The following UBTD2 variants were observed in gnomAD, a reference collection of about 807,000 sequenced individuals.
The protein encoded by UBTD2 is ubiquitin domain containing 2, also known as ubiquitin domain-containing protein 2.
UBTD2 carries 9 observed loss-of-function variants against 19.8 expected under a neutral mutation model. The observed-to-expected ratio is 0.46, with a 90% CI of 0.27 to 0.79. The LOEUF is 0.79. Among genes scored for constraint, UBTD2 ranks in the 30% least tolerant of loss-of-function variants. The probability of loss-of-function intolerance (pLI) is 0.14; values close to 1 mark genes in which losing one functional copy is unlikely to be tolerated. For synonymous variants in UBTD2, 98 were observed against 103.9 expected (o/e 0.94, Z 0.35); for missense variants, 250 against 300.4 (o/e 0.83, Z 1.24).
Position 172,279,369 on chromosome 5 carries a change from G to C in UBTD2, c.70+4227C>G, listed in dbSNP as rs181463688. On this transcript the variant is annotated intron_variant, in intron 1 of 2. Coordinates refer to ENST00000393792, the MANE Select transcript of UBTD2 (RefSeq NM_152277.3). Reference sequence around the variant, plus strand: ...AGGACCTGTTACATAATAAATACTGGATAAATGGTAGATGCTATTCAAAAA... The same window carrying C: ...AGGACCTGTTACATAATAAATACTGCATAAATGGTAGATGCTATTCAAAAA... 3.3e-5 allele frequency among the ~76,000 whole-genome samples: 5 copies of C among 152,312 alleles called. No homozygotes were observed. In the East Asian group the frequency reaches 9.6e-4, roughly 29 times the overall value.
chr5:172,242,557 T>A (rs976008909), intron 1 of UBTD2: 1 of 368,324 alleles, frequency 2.7e-6, no homozygotes, highest in Admixed American at 6.4e-5. Flanking sequence ...GTTTAGAAGC[T>A]TTATTAGAGT....
chr5:172,246,495 A>G (rs1324403902), intron 1 of UBTD2, among the ~76,000 whole-genome samples: 1 of 139,588 alleles, frequency 7.2e-6, no homozygotes, highest in African/African-American at 2.7e-5. Flanking sequence ...CCCAGGCTGC[A>G]ATGCAGTGGT....
intron 1 of UBTD2, among the ~76,000 whole-genome samples, chr5:172,237,286 G>A (rs748539933): frequency 3.9e-5 from 6 of 152,028 alleles, no homozygotes; most frequent in Non-Finnish European, 5.9e-5. Flanking sequence ...TAGAGACGGG[G>A]TTTCACCATA....
At position 172,211,403 on chromosome 5, in the gene UBTD2, T is replaced by C. The variant is rs1771442617; in HGVS notation, c.*427A>G. The C allele has an allele frequency of 6.5e-6, 1 of 153,846 alleles. No homozygotes were observed. Among genetic ancestry groups the C allele is most frequent in the South Asian group, 2.1e-4 (1 of 4,850 alleles). The allele number at this position is 153,846 out of a possible 1,614,324, so 9.5% of individuals were successfully genotyped here. A position where few individuals can be genotyped will look rare whatever the true frequency, so the allele number is the denominator to read the frequency against. On this transcript the variant is annotated 3_prime_UTR_variant, in exon 3 of 3. Transcript: ENST00000393792. ...CAAAACAAAACAAAAAGGTTAAGTTTTATATCCATTATTTATGGTTTCTGG... is the reference window on the plus strand; with the variant it reads ...CAAAACAAAACAAAAAGGTTAAGTTCTATATCCATTATTTATGGTTTCTGG...
chr5:172,254,611 T>C (rs953969683), intron 1 of UBTD2: 35 of 649,468 alleles, frequency 5.4e-5, no homozygotes, highest in Non-Finnish European at 3.3e-5. Context: ...TACACTTTGT[T>C]GCATCCATCG....
intron 1 of UBTD2, among the ~76,000 whole-genome samples, chr5:172,274,421 G>A (rs1285562285): frequency 6.6e-6 from 1 of 152,080 alleles, no homozygotes; most frequent in Non-Finnish European, 1.5e-5. Context: ...TTACAGGTGT[G>A]AGCCACTGCA....
chr5:172,212,114 T>C lies in UBTD2; in HGVS notation c.421A>G (p.Ile141Val). Residue 141 changes from isoleucine to valine, a missense_variant, in exon 3 of 3, where the codon ATT (isoleucine) becomes GTT (valine). Transcript: ENST00000393792. ...CCAGAATTGGGTGGTGGCTCAGGAA[T>C]ATCCAGAGTCTCTATGTCGCTCTTT... The part of the protein sequence containing the change: ...EEKSDIETLD[I>V]PEPPPNSGYE... 6.2e-7 allele frequency: 1 copy of C among 1,614,248 alleles called. No individual in the cohort carries two copies. Among genetic ancestry groups the C allele is most frequent in the Non-Finnish European group, 8.5e-7 (1 of 1,180,050 alleles).
At chr5:172,236,813 A>G (rs1018666799) in intron 1 of UBTD2, among the ~76,000 whole-genome samples, 2 of 152,234 alleles carry the variant, frequency 1.3e-5, no homozygotes, top group Non-Finnish European at 2.9e-5. Context: ...AGCATGGACA[A>G]AAACAACAAA....
intron 2 of UBTD2, among the ~76,000 whole-genome samples, chr5:172,229,479 C>T (rs369427957): frequency 6.7e-4 from 73 of 109,240 alleles, no homozygotes; most frequent in Non-Finnish European, 9.7e-4. Flanking sequence ...CCAGCCTGGG[C>T]GACAGAGCAA....
At chr5:172,232,245 C>G (rs138152908) in intron 2 of UBTD2, among the ~76,000 whole-genome samples, 3,529 of 151,650 alleles carry the variant, frequency 0.023, 117 homozygotes, top group African/African-American at 0.081. Flanking sequence ...TGCACTCCAG[C>G]CTGGGCAACA....
At chr5:172,223,161 A>G (rs985747966) in intron 2 of UBTD2, among the ~76,000 whole-genome samples, 2 of 152,248 alleles carry the variant, frequency 1.3e-5, no homozygotes, top group East Asian at 1.9e-4. Context: ...ATTTAGGGTT[A>G]CAAGATTCTT....
chr5:172,243,626 G>A (rs564138790), intron 1 of UBTD2, among the ~76,000 whole-genome samples: 27 of 143,210 alleles, frequency 1.9e-4, no homozygotes, highest in African/African-American at 6.8e-4. Flanking sequence ...ACAATGGCGC[G>A]ACCTCAGCTC....
At chr5:172,250,832 C>T (rs1325596818) in intron 1 of UBTD2, among the ~76,000 whole-genome samples, 5 of 144,310 alleles carry the variant, frequency 3.5e-5, no homozygotes, top group African/African-American at 1.3e-4. Flanking sequence ...ACTCAGGAGG[C>T]TGAGGTGGGT....
chr5:172,242,313 AT>A (rs1772148465), intron 1 of UBTD2: 1 of 938,386 alleles, frequency 1.1e-6, no homozygotes, highest in African/African-American at 1.8e-5. Flanking sequence ...ACCTAAGAAA[AT>A]TTTTTAAAAA....
intron 2 of UBTD2, among the ~76,000 whole-genome samples, chr5:172,218,129 T>C (rs1771580985): frequency 6.6e-6 from 1 of 152,194 alleles, no homozygotes; most frequent in African/African-American, 2.4e-5. Flanking sequence ...AATCATACAA[T>C]GTCTGCTTAT....
At position 172,245,722 on chromosome 5, in the gene UBTD2, A is replaced by AG. The variant is rs1353244863; in HGVS notation, c.71-11365_71-11364insC. ...GTAAGACACTGACTCAAAAAAAAAA[A>AG]AAAGAAAGAAATGAATTCTGATATA... On this transcript the variant is annotated intron_variant, in intron 1 of 2. Transcript: ENST00000393792. 4.6e-5 allele frequency among the ~76,000 whole-genome samples: 7 copies of AG among 151,942 alleles called. 1 individual carries two copies. Among genetic ancestry groups the AG allele is most frequent in the Admixed American group, 4.6e-4 (7 of 15,246 alleles).
intron 1 of UBTD2, among the ~76,000 whole-genome samples, chr5:172,259,694 TC>T (rs1471463101): frequency 6.6e-6 from 1 of 152,022 alleles, no homozygotes; most frequent in Non-Finnish European, 1.5e-5. Flanking sequence ...TTTTAAGTGT[TC>T]CAATCTGAAC....
intron 2 of UBTD2, among the ~76,000 whole-genome samples, chr5:172,229,287 T>G (rs1052383606): frequency 8.6e-5 from 13 of 151,802 alleles, no homozygotes; most frequent in Non-Finnish European, 1.5e-4. Context: ...GATCACAAGG[T>G]CAGGAGATCG....
At chr5:172,233,842 T>C (rs897129691) in intron 2 of UBTD2, among the ~76,000 whole-genome samples, 17 of 151,844 alleles carry the variant, frequency 1.1e-4, no homozygotes, top group South Asian at 6.3e-4. Flanking sequence ...GAGGTCTTCA[T>C]GGAGGACTAG....
Sources: allele counts gnomAD v4.1 joint callset (sites outside exome capture counted in the v4.1 genomes callset), GRCh38; gene constraint gnomAD v4.1.1; transcripts MANE v1.5; gene names NCBI Gene and HGNC (gene_info 2026-07-23, HGNC 2026-07-21).